The following COLGALT2 variants were observed in gnomAD, a reference collection of about 807,000 sequenced individuals.
COLGALT2 encodes the protein procollagen galactosyltransferase 2.
COLGALT2 carries 49 observed loss-of-function variants against 73.4 expected under a neutral mutation model. The ratio of observed to expected loss-of-function variants is 0.67; its 90% CI spans 0.53 to 0.85. COLGALT2 has a LOEUF of 0.85. Among genes scored for constraint, COLGALT2 ranks in the 40% least tolerant of loss-of-function variants. The probability of loss-of-function intolerance (pLI) is 0.00; values close to 1 mark genes in which losing one functional copy is unlikely to be tolerated. For missense variants in COLGALT2, 722 were observed against 790.2 expected (o/e 0.91, Z 1.03); for synonymous variants, 295 against 307.6 (o/e 0.96, Z 0.43).
At chr1:183,931,671 C>G (rs1669846186), downstream of COLGALT2, among the ~76,000 whole-genome samples, 1 of 152,020 alleles carries the variant, frequency 6.6e-6, no homozygotes, top group African/African-American at 2.4e-5. Flanking sequence ...TATCCAAGTG[C>G]TTTAACACAG....
intron 1 of COLGALT2, among the ~76,000 whole-genome samples, chr1:183,980,744 T>TACACAC (rs147251301): frequency 6.6e-6 from 1 of 151,492 alleles, no homozygotes; most frequent in African/African-American, 2.4e-5. Context: ...TATAAAGATT[T>TACACAC]ACACACACAC....
At chr1:183,976,961 G>T (rs915427316) in intron 2 of COLGALT2, among the ~76,000 whole-genome samples, 3 of 152,170 alleles carry the variant, frequency 2.0e-5, no homozygotes, top group African/African-American at 7.2e-5. Flanking sequence ...GTGGGGTTTG[G>T]AAATAAAAGA....
At chr1:184,025,271 A>G (rs1340752979) in intron 1 of COLGALT2, among the ~76,000 whole-genome samples, 1 of 152,234 alleles carries the variant, frequency 6.6e-6, no homozygotes, top group Non-Finnish European at 1.5e-5. Context: ...GATGCCCGTC[A>G]AAGCTTTGAA....
At chr1:183,950,893 A>G in intron 8 of COLGALT2, 114 bp downstream of exon 8, 1 of 730,308 alleles carries the variant, frequency 1.4e-6, no homozygotes, top group Non-Finnish European at 2.4e-6. Flanking sequence ...TGAAAATAAG[A>G]CTATCCTCTA....
chr1:184,004,431 A>G (rs1368961606), intron 1 of COLGALT2, among the ~76,000 whole-genome samples: 1 of 152,248 alleles, frequency 6.6e-6, no homozygotes, highest in Non-Finnish European at 1.5e-5. Flanking sequence ...AAAGAATAAC[A>G]AAGCAGAGTG....
At chr1:184,026,490 C>G (rs60591205) in intron 1 of COLGALT2, among the ~76,000 whole-genome samples, 5,039 of 152,258 alleles carry the variant, frequency 0.033, 268 homozygotes, top group African/African-American at 0.11. Context: ...AATAATGCTG[C>G]TATATCAACT....
chr1:183,963,416 TG>T (rs1670771985), intron 6 of COLGALT2, among the ~76,000 whole-genome samples: 1 of 152,248 alleles, frequency 6.6e-6, no homozygotes, highest in East Asian at 1.9e-4. Context: ...CATTTTATGA[TG>T]TAACAGTGAT....
chr1:183,983,323 G>A (rs1671402419), intron 1 of COLGALT2, among the ~76,000 whole-genome samples: 1 of 152,162 alleles, frequency 6.6e-6, no homozygotes, highest in Non-Finnish European at 1.5e-5. Flanking sequence ...GAAGCCTGGT[G>A]GTCCCCGCTT....
downstream of COLGALT2, among the ~76,000 whole-genome samples, chr1:183,932,517 G>T (rs1457120139): frequency 6.6e-6 from 1 of 152,124 alleles, no homozygotes; most frequent in East Asian, 1.9e-4. Context: ...GAAACTCTTA[G>T]AGGTGGGGCT....
chr1:183,982,751 T>C (rs1428119428), intron 1 of COLGALT2, among the ~76,000 whole-genome samples: 1 of 152,166 alleles, frequency 6.6e-6, no homozygotes, highest in Middle Eastern at 3.2e-3. Context: ...CAACTATGCC[T>C]GTGAATAGTC....
intron 7 of COLGALT2, among the ~76,000 whole-genome samples, chr1:183,951,828 T>C (rs1017246431): frequency 5.3e-5 from 8 of 152,128 alleles, no homozygotes; most frequent in East Asian, 1.9e-4. Flanking sequence ...ACATTTTTCA[T>C]AGAACCAGAA....
intron 1 of COLGALT2, among the ~76,000 whole-genome samples, chr1:184,022,695 C>T (rs942323058): frequency 1.3e-5 from 2 of 152,196 alleles, no homozygotes; most frequent in Admixed American, 6.5e-5. Flanking sequence ...GGGGAAGCAA[C>T]ACTAAATCTC....
rs540165858 is a variant in COLGALT2, at chr1:184,020,143, C to T, written c.263+16952G>A. On this transcript the variant is annotated intron_variant, in intron 1 of 11. Coordinates refer to ENST00000361927, the MANE Select transcript of COLGALT2 (RefSeq NM_015101.4). Reference sequence around the variant, plus strand: ...ATTTTTTCATATATACTGCCCCTGCCCCCGAATCCTATTAGTAATGACACT... The same window carrying T: ...ATTTTTTCATATATACTGCCCCTGCTCCCGAATCCTATTAGTAATGACACT... Among the ~76,000 whole-genome samples the T allele has an allele frequency of 3.3e-5, 5 of 152,214 alleles. No individual in the cohort carries two copies. The South Asian group carries it at 1.0e-3, about 32-fold the overall frequency.
chr1:184,017,246 A>G (rs1649030027), intron 1 of COLGALT2, among the ~76,000 whole-genome samples: 1 of 152,244 alleles, frequency 6.6e-6, no homozygotes, highest in African/African-American at 2.4e-5. Context: ...CATCTGATGT[A>G]CTTATAATTA....
intron 1 of COLGALT2, among the ~76,000 whole-genome samples, chr1:184,029,387 C>T (rs1482716123): frequency 6.6e-6 from 1 of 152,174 alleles, no homozygotes; most frequent in African/African-American, 2.4e-5. Flanking sequence ...CTGCTTGGGT[C>T]CTAGGGTTCC....
At chr1:184,028,555 C>T (rs1397915064) in intron 1 of COLGALT2, among the ~76,000 whole-genome samples, 1 of 152,212 alleles carries the variant, frequency 6.6e-6, no homozygotes, top group South Asian at 2.1e-4. Flanking sequence ...ATGTAAGGAA[C>T]CTCCTCTCTG....
intron 1 of COLGALT2, among the ~76,000 whole-genome samples, chr1:183,995,685 C>G (rs1221720455): frequency 6.6e-6 from 1 of 151,868 alleles, no homozygotes; most frequent in East Asian, 1.9e-4. Flanking sequence ...TCTAAGGAAA[C>G]CTTTGGTTTT....
intron 1 of COLGALT2, among the ~76,000 whole-genome samples, chr1:184,009,015 C>T (rs934946148): frequency 1.3e-5 from 2 of 152,108 alleles, no homozygotes; most frequent in South Asian, 2.1e-4. Flanking sequence ...AAAAGTAAAA[C>T]AATAGATAAT....
intron 1 of COLGALT2, among the ~76,000 whole-genome samples, chr1:183,985,553 A>G (rs977818734): frequency 4.6e-5 from 7 of 152,174 alleles, no homozygotes; most frequent in Non-Finnish European, 8.8e-5. Context: ...GATTACAGGC[A>G]TGAGCCACCG....
Sources: gnomAD v4.1 joint callset for allele counts (sites outside exome capture counted in the v4.1 genomes callset) on GRCh38, gnomAD v4.1.1 for gene constraint, MANE v1.5 for transcripts, NCBI Gene and HGNC (gene_info 2026-07-23, HGNC 2026-07-21) for gene names.